Variants in SEC16B observed in about 807,000 individuals in gnomAD.
SEC16B encodes SEC16 homolog B, endoplasmic reticulum export factor.
A neutral mutation model predicts 141.8 loss-of-function variants in SEC16B; 115 were observed. That is an observed-to-expected ratio of 0.81 (90% CI 0.70 to 0.95). SEC16B has a LOEUF of 0.95. SEC16B is among the 40% of genes least tolerant of loss of function. The pLI, the probability that SEC16B is intolerant of heterozygous loss-of-function variation, is 0.00. For synonymous variants in SEC16B, 493 were observed against 492.5 expected, an observed-to-expected ratio of 1.00 and a Z score of -0.01; for missense variants, 1,291 against 1,312.3, an observed-to-expected ratio of 0.98 and a Z score of 0.25.
chr1:177,947,545 CAGAG>C (rs1651802468), intron 13 of SEC16B, among the ~76,000 whole-genome samples: 1 of 151,956 alleles, frequency 6.6e-6, no homozygotes, highest in Non-Finnish European at 1.5e-5. Context: ...TTCTGTGAAA[CAGAG>C]AGGCAAGAAG....
At position 177,967,710 on chromosome 1, in the gene SEC16B, C is replaced by G. The variant is rs199997151; in HGVS notation, c.272G>C (p.Gly91Ala). The G allele has an allele frequency of 6.2e-7, 1 of 1,607,628 alleles. No individual in the cohort carries two copies. The highest frequency in any genetic ancestry group is 8.5e-7 in the Non-Finnish European group (1 of 1,175,198). The part of the protein sequence containing the change: ...QPVSGVDYYE[G>A]GYRNQLYSRP... ...TGAATACAACTGATTGCGATAACCACCTTCGTAATAGTCAACTCCAGACAC... is the reference window on the plus strand; with the variant it reads ...TGAATACAACTGATTGCGATAACCAGCTTCGTAATAGTCAACTCCAGACAC... Residue 91 changes from glycine (G) to alanine (A), a missense_variant, in exon 2 of 26, where the codon GGT (glycine) becomes GCT (alanine). By Grantham distance (60) the Gly-to-Ala change is moderately conservative. Around this residue, in one of 3 missense-constraint regions of SEC16B, gnomAD observed 681 missense variants for 675.5 expected, o/e 1.01. Coordinates refer to ENST00000308284, the MANE Select transcript of SEC16B (RefSeq NM_033127.4).
At chr1:177,951,397 A>C (rs1403992625) in intron 12 of SEC16B, among the ~76,000 whole-genome samples, 2 of 152,226 alleles carry the variant, frequency 1.3e-5, no homozygotes, top group African/African-American at 4.8e-5. Flanking sequence ...GAAAACTATC[A>C]AGCTAGCCTC....
intron 12 of SEC16B, 29 bp from the exon 13 acceptor site, chr1:177,947,971 C>T: frequency 1.4e-6 from 2 of 1,466,988 alleles, no homozygotes; most frequent in Non-Finnish European, 9.4e-7. Flanking sequence ...AATAAATGTA[C>T]AATCATTTAA....
chr1:177,973,196 G>C (rs1654029794), upstream of SEC16B: 1 of 152,192 alleles, frequency 6.6e-6, no homozygotes, highest in South Asian at 2.1e-4. Flanking sequence ...CACCCACCTA[G>C]ATCTAGGTCA....
chr1:177,946,286 A>G, intron 14 of SEC16B, 134 bp downstream of exon 14: 1 of 756,220 alleles, frequency 1.3e-6, no homozygotes, highest in Non-Finnish European at 2.4e-6. Context: ...CACAGATAAC[A>G]ATCCCAAATA....
At position 177,960,358 on chromosome 1, in the gene SEC16B, A is replaced by G. The variant is rs1284319070; in HGVS notation, c.982T>C (p.Ser328Pro). The stretch of plus-strand genomic sequence containing the variant: ...GCACTATACCTAATCAAGGGTCCTG[A>G]GAAACTTCTCATCTCCTCTTGCTCT... ...SEEQEEMRSFSGPLIREDVHK... is the reference protein window; with the variant it reads ...SEEQEEMRSFPGPLIREDVHK... Residue 328 changes from serine to proline, a missense_variant, in exon 8 of 26, where the codon TCA (serine) becomes CCA (proline). Around this residue, in one of 3 missense-constraint regions of SEC16B, gnomAD observed 681 missense variants for 675.5 expected, o/e 1.01. Transcript: ENST00000308284. 5.0e-6 allele frequency: 8 copies of G among 1,603,932 alleles called. No homozygotes were observed. Among genetic ancestry groups the G allele is most frequent in the Non-Finnish European group, 1.7e-6 (2 of 1,172,666 alleles).
At chr1:177,983,126 T>C (rs1334546879) in intron 1 of SEC16B, among the ~76,000 whole-genome samples, 1 of 152,172 alleles carries the variant, frequency 6.6e-6, no homozygotes, top group African/African-American at 2.4e-5. Context: ...GGTAATGCTG[T>C]GTGAGAAGCT....
At position 177,929,905 on chromosome 1, in the gene SEC16B, G is replaced by A. The variant is rs769306136; in HGVS notation, c.3136C>T (p.Arg1046Trp). 3.7e-5 allele frequency: 60 copies of A among 1,613,754 alleles called. 1 individual carries two copies. The highest frequency in any genetic ancestry group is 1.6e-4 in the Middle Eastern group (1 of 6,076). ...CGACGCTGAGCTAGGCGATTTGGCC[G>A]ATTCAGGCTAGTGGCCGTGGGCAGC... ...PQLPTATSLN[R>W]PNRLAQRRYP... Residue 1046 changes from arginine (R) to tryptophan (W), a missense_variant, in exon 26 of 26, where the codon CGG (arginine) becomes TGG (tryptophan). Arg to Trp is a moderately radical substitution (Grantham distance 101). Transcript: ENST00000308284.
At chr1:177,979,141 T>C (rs190616896) in intron 1 of SEC16B, among the ~76,000 whole-genome samples, 3 of 152,340 alleles carry the variant, frequency 2.0e-5, no homozygotes, top group East Asian at 3.9e-4. Flanking sequence ...GTAATAGCCA[T>C]GTAATATAGT....
At position 177,933,334 on chromosome 1, in the gene SEC16B, T is replaced by C. The variant is rs775149930; in HGVS notation, c.2725-22A>G. On this transcript the variant is annotated intron_variant, in intron 21 of 25. Coordinates refer to ENST00000308284, the MANE Select transcript of SEC16B (RefSeq NM_033127.4). ...AGCTCTGGAAGGGGAAGAGGACATT[T>C]TATGACCTGCAGGTTGGCTTCTTCC... is the stretch of plus-strand genomic sequence containing the variant. 141 of 1,581,472 alleles carry C rather than the reference T, an allele frequency of 8.9e-5. 3 individuals are homozygous for C. The Middle Eastern group carries it at 3.0e-3, about 33-fold the overall frequency.
chr1:177,967,627 A>C, intron 2 of SEC16B, 56 bp downstream of exon 2: 2 of 1,443,964 alleles, frequency 1.4e-6, no homozygotes, highest in Non-Finnish European at 1.9e-6. Context: ...GGAAAAGAAC[A>C]ACCTATTCAT....
At chr1:177,932,634 C>T in intron 23 of SEC16B, 64 bp downstream of exon 23, 1 of 1,500,212 alleles carries the variant, frequency 6.7e-7, no homozygotes, top group Non-Finnish European at 8.9e-7. Context: ...TCCCAGAAGG[C>T]ACCCCAACCC....
intron 10 of SEC16B, 44 bp downstream of exon 10, chr1:177,958,088 G>T: frequency 1.5e-6 from 2 of 1,332,424 alleles, no homozygotes; most frequent in East Asian, 2.6e-5. Flanking sequence ...GAGAGGGATG[G>T]TGATTGCTTT....
In SEC16B at chr1:177,964,227, C is replaced by A. The variant is rs1484832506; in HGVS notation, c.586G>T (p.Glu196Ter). 2 of 1,613,780 alleles carry A rather than the reference C, an allele frequency of 1.2e-6. No homozygotes were observed. Among genetic ancestry groups the A allele is most frequent in the Admixed American group, 1.7e-5 (1 of 60,012 alleles). ...KDSPASNSGQ[E>*]WPGELFPGSL... Reference sequence around the variant, plus strand: ...CCTGGAAACAGCTCCCCCGGCCACTCCTGTCCAGAGTTGGAAGCAGGGCTG... The same window carrying A: ...CCTGGAAACAGCTCCCCCGGCCACTACTGTCCAGAGTTGGAAGCAGGGCTG... Residue 196 changes from glutamate to a stop codon, truncating the protein, a stop_gained, in exon 5 of 26, where the codon GAG (glutamate) becomes TAG (stop). Transcript: ENST00000308284. LOFTEE classifies it high-confidence loss of function.
In SEC16B at chr1:177,951,978, GC is replaced by G. The variant is rs1652227630; in HGVS notation, c.1480del (p.Ala494ArgfsTer38). 6.2e-7 allele frequency: 1 copy of G among 1,604,104 alleles called. No homozygotes were observed. Among genetic ancestry groups the G allele is most frequent in the South Asian group, 1.1e-5 (1 of 88,666 alleles). Reference protein sequence around the residue: ...WVMSGFTSTLALNDPLQTLFQ... With the variant: ...WVMSGFTSTLXLNDPLQTLFQ... ...GAGGGTCTGCAGTGGGTCATTGAGCGCCAGCGTGCTGGTGAAGCTGCGGAGA... is the reference window on the plus strand; with the variant it reads ...GAGGGTCTGCAGTGGGTCATTGAGCGCAGCGTGCTGGTGAAGCTGCGGAGA... On this transcript the variant is annotated frameshift_variant, in exon 12 of 26. Transcript: ENST00000308284. LOFTEE classifies it high-confidence loss of function.
At chr1:177,933,097 T>C in intron 22 of SEC16B, 117 bp downstream of exon 22, 1 of 786,510 alleles carries the variant, frequency 1.3e-6, no homozygotes, top group Non-Finnish European at 2.1e-6. Flanking sequence ...ACAAAACCTC[T>C]GTCTCATGTG....
At chr1:177,932,949 C>A in intron 22 of SEC16B, 143 bp from the exon 23 acceptor site, 1 of 784,704 alleles carries the variant, frequency 1.3e-6, no homozygotes, top group South Asian at 1.6e-5. Context: ...CTCCTCATCC[C>A]ACTCTTCTGC....
At chr1:177,961,498 T>C (rs1382551292) in intron 6 of SEC16B, 92 bp downstream of exon 6, 4 of 1,369,232 alleles carry the variant, frequency 2.9e-6, no homozygotes, top group Non-Finnish European at 4.0e-6. Context: ...AGGTGGACAA[T>C]GATCCATCGT....
intron 12 of SEC16B, among the ~76,000 whole-genome samples, chr1:177,949,524 TAGAG>T (rs148147693): frequency 3.4e-5 from 5 of 147,586 alleles, no homozygotes; most frequent in East Asian, 2.0e-4. Flanking sequence ...GGGGACACAG[TAGAG>T]AGAGAGAGAG....
Sources: gnomAD v4.1 joint callset for allele counts (sites outside exome capture counted in the v4.1 genomes callset) on GRCh38, gnomAD v4.1.1 for gene constraint, gnomAD v4.1.1 regional missense constraint, MANE v1.5 for transcripts, NCBI Gene and HGNC (gene_info 2026-07-23, HGNC 2026-07-21) for gene names.